The following VAC14 variants were observed in gnomAD, a reference collection of about 807,000 sequenced individuals.
VAC14 encodes protein VAC14 homolog.
In VAC14, 47 loss-of-function variants were observed where a neutral mutation model predicts 85.3. That is an observed-to-expected ratio of 0.55 (90% CI 0.44 to 0.70). The LOEUF (loss-of-function observed/expected upper bound fraction) is 0.70, where lower values mean the gene tolerates loss of function less well. Ranked by LOEUF, VAC14 falls within the 30% of genes least tolerant of loss-of-function variation. VAC14 has a pLI of 0.00. For synonymous variants in VAC14, 447 were observed against 430.5 expected (o/e 1.04, Z -0.47); for missense variants, 861 against 1,004.3 (o/e 0.86, Z 1.93).
chr16:70,772,057 G>A, intron 10 of VAC14, 52 bp downstream of exon 10: 2 of 1,570,260 alleles, frequency 1.3e-6, no homozygotes, highest in South Asian at 2.2e-5. Flanking sequence ...ATCCAGGAAA[G>A]ATCTAGGCCG....
Position 70,687,834 on chromosome 16 carries a change from C to A in VAC14, c.*94G>T, listed in dbSNP as rs1355854506. 1 of 1,294,616 alleles carries A rather than the reference C, an allele frequency of 7.7e-7. No individual in the cohort carries two copies. The highest frequency in any genetic ancestry group is 2.2e-5 in the South Asian group (1 of 44,878). The allele number at this position is 1,294,616 out of a possible 1,614,324, so 80.2% of individuals were successfully genotyped here. A position where few individuals can be genotyped will look rare whatever the true frequency, so the allele number is the denominator to read the frequency against. Reference sequence around the variant, plus strand: ...CTGGGTTGGCAGGCCCAGCCCTGGTCCTGACAGGCAGGTCCTTGAGCTCCT... The same window carrying A: ...CTGGGTTGGCAGGCCCAGCCCTGGTACTGACAGGCAGGTCCTTGAGCTCCT... On this transcript the variant is annotated 3_prime_UTR_variant, in exon 19 of 19. Coordinates refer to ENST00000261776, the MANE Select transcript of VAC14 (RefSeq NM_018052.5).
chr16:70,732,868 C>T (rs1489861676), intron 13 of VAC14, among the ~76,000 whole-genome samples: 2 of 151,908 alleles, frequency 1.3e-5, no homozygotes, highest in Admixed American at 6.6e-5. Context: ...AAGCTGGTCT[C>T]GAACTCCTGA....
chr16:70,798,167 A>C (rs531096432), intron 1 of VAC14, among the ~76,000 whole-genome samples: 14 of 152,126 alleles, frequency 9.2e-5, no homozygotes, highest in African/African-American at 3.4e-4. Flanking sequence ...GGGAGCTTGA[A>C]CCCCAGTTCC....
In VAC14 at chr16:70,785,711, C is replaced by A; in HGVS notation, c.414G>T (p.Gly138=). The A allele has an allele frequency of 1.3e-6, 2 of 1,559,402 alleles. No individual in the cohort carries two copies. The highest frequency in any genetic ancestry group is 1.7e-6 in the Non-Finnish European group (2 of 1,151,022). ...GGAGGAGGGCGGTTACCTTGCTCAG[C>A]CCGTCAAAGAGCACGTTGAAGTGGG... ...VLPHFNVLFD[G]LSKLAADPDP... Residue 138 remains glycine (G), a synonymous_variant, in exon 3 of 19, where the codon GGG becomes GGT. Coordinates refer to ENST00000261776, the MANE Select transcript of VAC14 (RefSeq NM_018052.5).
At chr16:70,688,328 G>A (rs2053537881) in intron 18 of VAC14, 2 of 1,180,724 alleles carry the variant, frequency 1.7e-6, no homozygotes, top group Admixed American at 4.6e-5. Context: ...ATTGCCCTCG[G>A]CCTGTGGGCT....
At chr16:70,764,154 T>C (rs1201804756) in intron 10 of VAC14, among the ~76,000 whole-genome samples, 2 of 152,206 alleles carry the variant, frequency 1.3e-5, no homozygotes, top group Non-Finnish European at 1.5e-5. Flanking sequence ...CTGAAGCTCA[T>C]TTGATGTGAA....
intron 12 of VAC14, among the ~76,000 whole-genome samples, chr16:70,749,956 T>C (rs771372779): frequency 6.6e-6 from 1 of 152,230 alleles, no homozygotes; most frequent in Non-Finnish European, 1.5e-5. Context: ...CAACAGAGAC[T>C]GTGGGGAGCT....
intron 16 of VAC14, among the ~76,000 whole-genome samples, chr16:70,696,062 CA>C (rs1567521028): frequency 6.6e-6 from 1 of 152,198 alleles, no homozygotes; most frequent in African/African-American, 2.4e-5. Flanking sequence ...TGTGGGGAGC[CA>C]GGCAGGGCCA....
At chr16:70,797,885 C>T (rs557232766) in intron 1 of VAC14, among the ~76,000 whole-genome samples, 79 of 152,286 alleles carry the variant, frequency 5.2e-4, no homozygotes, top group Admixed American at 2.4e-3. Context: ...TGCCCTCCAT[C>T]ATGATTGGAA....
At chr16:70,728,026 C>T (rs964955178) in intron 14 of VAC14, among the ~76,000 whole-genome samples, 22 of 152,208 alleles carry the variant, frequency 1.4e-4, no homozygotes, top group African/African-American at 5.1e-4. Flanking sequence ...ACCCAGTCCT[C>T]TGTGAAAGGC....
chr16:70,721,610 G>A (rs972213035), intron 14 of VAC14, among the ~76,000 whole-genome samples: 1 of 152,166 alleles, frequency 6.6e-6, no homozygotes, highest in Admixed American at 6.5e-5. Flanking sequence ...TGAGCCCCTG[G>A]CTGCCAGGTC....
chr16:70,717,835 G>A (rs1159511802), intron 14 of VAC14, among the ~76,000 whole-genome samples: 2 of 152,028 alleles, frequency 1.3e-5, no homozygotes, highest in Non-Finnish European at 2.9e-5. Context: ...TTTTTTTGTA[G>A]GGCGGCAAGG....
At chr16:70,741,672 T>C (rs2030325477) in intron 13 of VAC14, among the ~76,000 whole-genome samples, 1 of 152,212 alleles carries the variant, frequency 6.6e-6, no homozygotes, top group Admixed American at 6.5e-5. Context: ...AGGCACTTCC[T>C]TGGTGTTCTT....
chr16:70,793,276 T>C (rs899263263), intron 1 of VAC14, among the ~76,000 whole-genome samples: 7 of 152,168 alleles, frequency 4.6e-5, no homozygotes, highest in African/African-American at 1.7e-4. Context: ...ACACAGTGAG[T>C]AACCATCAGC....
intron 12 of VAC14, among the ~76,000 whole-genome samples, chr16:70,752,555 G>A (rs924759459): frequency 2.6e-5 from 4 of 152,262 alleles, no homozygotes; most frequent in African/African-American, 4.8e-5. Flanking sequence ...AGAGCAGCAC[G>A]AGAGTGGTGC....
intron 1 of VAC14, among the ~76,000 whole-genome samples, chr16:70,796,304 A>C (rs2034542997): frequency 6.6e-6 from 1 of 152,172 alleles, no homozygotes; most frequent in East Asian, 1.9e-4. Context: ...TTAGTGTCTG[A>C]GAGGCCTGTC....
intron 12 of VAC14, among the ~76,000 whole-genome samples, chr16:70,750,078 G>A (rs2031252784): frequency 6.6e-6 from 1 of 152,224 alleles, no homozygotes; most frequent in Non-Finnish European, 1.5e-5. Context: ...CTCTGGAGGA[G>A]AAGGCGATCT....
intron 14 of VAC14, among the ~76,000 whole-genome samples, chr16:70,713,295 T>C (rs2054076547): frequency 6.6e-6 from 1 of 152,202 alleles, no homozygotes. Context: ...AAAGCTACCG[T>C]GCGCGAACAG....
At position 70,784,226 on chromosome 16, in the gene VAC14, G is replaced by T; in HGVS notation, c.487-6C>A. 6.2e-7 allele frequency: 1 copy of T among 1,612,858 alleles called. No homozygotes were observed. The highest frequency in any genetic ancestry group is 8.5e-7 in the Non-Finnish European group (1 of 1,178,954). ...TTGCTCTCAGTCACAATGTCCTGTG[G>T]ATCAGAGGAAAGTGAGCTGCCGAGA... On this transcript the variant is annotated splice_region_variant and splice_polypyrimidine_tract_variant and intron_variant, in intron 4 of 18. Coordinates refer to ENST00000261776, the MANE Select transcript of VAC14 (RefSeq NM_018052.5).
Sources: allele counts gnomAD v4.1 joint callset (sites outside exome capture counted in the v4.1 genomes callset), GRCh38; gene constraint gnomAD v4.1.1; transcripts MANE v1.5; gene names NCBI Gene and HGNC (gene_info 2026-07-23, HGNC 2026-07-21).